Variants in RPSA2 observed in about 807,000 individuals in gnomAD.
RPSA2 encodes the protein ribosomal protein SA 2, also known as small ribosomal subunit protein uS2B.
chr19:23,826,770 C>T, the RPSA2 span, among the ~76,000 whole-genome samples: 1 of 152,148 alleles, frequency 6.6e-6, no homozygotes, highest in African/African-American at 2.4e-5. Flanking sequence ...ACTGCAACCT[C>T]TGCCTCCTGG....
the RPSA2 span, among the ~76,000 whole-genome samples, chr19:23,846,098 AT>A: frequency 6.6e-6 from 1 of 152,082 alleles, no homozygotes; most frequent in African/African-American, 2.4e-5. Context: ...GTTTAATAAT[AT>A]TTCTTTTTAA....
chr19:23,850,606 G>C, the RPSA2 span, among the ~76,000 whole-genome samples: 1 of 151,406 alleles, frequency 6.6e-6, no homozygotes, highest in Non-Finnish European at 1.5e-5. Flanking sequence ...AAGTCTCCTA[G>C]TGGGCACCCA....
At chr19:23,770,976 A>G in the RPSA2 span, among the ~76,000 whole-genome samples, 1 of 152,190 alleles carries the variant, frequency 6.6e-6, no homozygotes, top group South Asian at 2.1e-4. Flanking sequence ...ACCTCTAAAC[A>G]ACCAGTAGCA....
At chr19:23,793,717 C>T in the RPSA2 span, among the ~76,000 whole-genome samples, 7 of 152,204 alleles carry the variant, frequency 4.6e-5, no homozygotes, top group South Asian at 1.0e-3. Flanking sequence ...TGCCCACCAC[C>T]ATCATGCCCA....
At chr19:23,833,168 C>T in the RPSA2 span, 107 of 1,193,666 alleles carry the variant, frequency 9.0e-5, no homozygotes, top group Non-Finnish European at 1.0e-4. Context: ...AATGCCTTTT[C>T]CTGGTCCTCA....
At chr19:23,776,481 T>G in the RPSA2 span, among the ~76,000 whole-genome samples, 1 of 19,042 alleles carries the variant, frequency 5.3e-5, no homozygotes, top group Admixed American at 8.5e-4. Context: ...TTTGCTCACA[T>G]GGGTCATTGT....
chr19:23,760,256 C>T, the RPSA2 span, among the ~76,000 whole-genome samples: 1 of 152,166 alleles, frequency 6.6e-6, no homozygotes, highest in Admixed American at 6.6e-5. Flanking sequence ...CCCTCCATTC[C>T]ACTCTCTCCT....
At chr19:23,766,758 GTTTT>G in the RPSA2 span, among the ~76,000 whole-genome samples, 239 of 134,028 alleles carry the variant, frequency 1.8e-3, no homozygotes, top group Non-Finnish European at 2.4e-3. Flanking sequence ...CGGGCCAAAT[GTTTT>G]TTTTTTTTTT....
At chr19:23,766,030 A>G in the RPSA2 span, among the ~76,000 whole-genome samples, 1 of 152,040 alleles carries the variant, frequency 6.6e-6, no homozygotes, top group African/African-American at 2.4e-5. Context: ...TCTGCCACTA[A>G]CATAGCAGTG....
the RPSA2 span, chr19:23,758,937 A>G: frequency 2.9e-6 from 2 of 701,406 alleles, no homozygotes; most frequent in South Asian, 1.8e-5. Context: ...CTCCAGCTGC[A>G]TGCCTGATTG....
At chr19:23,870,938 G>A in the RPSA2 span, among the ~76,000 whole-genome samples, 1 of 152,164 alleles carries the variant, frequency 6.6e-6, no homozygotes, top group Admixed American at 6.5e-5. Flanking sequence ...GGTATGCTAA[G>A]GGGAGCCACT....
the RPSA2 span, among the ~76,000 whole-genome samples, chr19:23,812,702 T>A: frequency 6.6e-6 from 1 of 152,144 alleles, no homozygotes; most frequent in Admixed American, 6.5e-5. Flanking sequence ...CCCGACCTCT[T>A]AGCTCATTTT....
At chr19:23,776,494 CAGTG>C in the RPSA2 span, among the ~76,000 whole-genome samples, 7 of 152,068 alleles carry the variant, frequency 4.6e-5, no homozygotes, top group Non-Finnish European at 1.0e-4. Flanking sequence ...GTCATTGTGA[CAGTG>C]TGACATACTG....
At chr19:23,852,658 C>T in the RPSA2 span, among the ~76,000 whole-genome samples, 65 of 152,238 alleles carry the variant, frequency 4.3e-4, no homozygotes, top group South Asian at 0.011. Context: ...CCCTCATTCC[C>T]ATAAACCCAC....
chr19:23,851,133 G>C, the RPSA2 span, among the ~76,000 whole-genome samples: 1 of 152,198 alleles, frequency 6.6e-6, no homozygotes, highest in South Asian at 2.1e-4. Context: ...AGCCTGAAAA[G>C]GTGTCTACAG....
At chr19:23,805,763 T>G in the RPSA2 span, among the ~76,000 whole-genome samples, 1 of 152,168 alleles carries the variant, frequency 6.6e-6, no homozygotes, top group Non-Finnish European at 1.5e-5. Context: ...TATGTGCAAA[T>G]CTTTACTTCT....
the RPSA2 span, chr19:23,842,469 T>G: frequency 2.6e-5 from 4 of 152,206 alleles, no homozygotes; most frequent in African/African-American, 9.7e-5. Flanking sequence ...CCAACTCTCT[T>G]AACTCTGAAA....
the RPSA2 span, among the ~76,000 whole-genome samples, chr19:23,771,295 C>T: frequency 3.3e-5 from 5 of 152,144 alleles, no homozygotes; most frequent in African/African-American, 1.2e-4. Context: ...ATAGAGAGGT[C>T]AGTGTCTCTG....
chr19:23,848,596 C>A, the RPSA2 span, among the ~76,000 whole-genome samples: 1 of 152,330 alleles, frequency 6.6e-6, no homozygotes, highest in South Asian at 2.1e-4. Flanking sequence ...ATCTTCCCTA[C>A]TGAGAAGGTG....
Sources: allele counts gnomAD v4.1 joint callset (sites outside exome capture counted in the v4.1 genomes callset), GRCh38; gene constraint gnomAD v4.1.1; transcripts MANE v1.5; gene names NCBI Gene and HGNC (gene_info 2026-07-23, HGNC 2026-07-21).